The following MED13L variants were observed in gnomAD, a reference collection of about 807,000 sequenced individuals.
MED13L encodes the protein mediator complex subunit 13L.
In MED13L, 7 loss-of-function variants were observed where a neutral mutation model predicts 220.9. That is an observed-to-expected ratio of 0.03 (90% CI 0.02 to 0.06). MED13L has a LOEUF of 0.06. Ranked by LOEUF, MED13L falls within the 10% of genes least tolerant of loss-of-function variation. The pLI is 1.00. For missense variants in MED13L, 1,965 were observed against 2,760.5 expected (o/e 0.71, Z 6.46); for synonymous variants, 1,011 against 1,015.2 (o/e 1.00, Z 0.08).
Position 116,022,612 on chromosome 12 carries a change from G to A in MED13L, c.480-11C>T. 1 of 1,609,740 alleles carries A rather than the reference G, an allele frequency of 6.2e-7. No individual in the cohort carries two copies. The highest frequency in any genetic ancestry group is 8.5e-7 in the Non-Finnish European group (1 of 1,177,686). ...CAGGACAAATGCTCACTACAAAAGAGAGAATGAGAAACTCAACTTTATATT... is the reference window on the plus strand; with the variant it reads ...CAGGACAAATGCTCACTACAAAAGAAAGAATGAGAAACTCAACTTTATATT... On this transcript the variant is annotated splice_polypyrimidine_tract_variant and intron_variant, in intron 4 of 30. Transcript: ENST00000281928.
At chr12:116,175,425 T>G (rs1879978987) in intron 2 of MED13L, among the ~76,000 whole-genome samples, 1 of 152,130 alleles carries the variant, frequency 6.6e-6, no homozygotes. Context: ...AAGAATATTG[T>G]AGGTAGAGGT....
intron 2 of MED13L, among the ~76,000 whole-genome samples, chr12:116,135,541 G>T (rs1162058765): frequency 1.3e-5 from 2 of 152,146 alleles, no homozygotes; most frequent in Non-Finnish European, 2.9e-5. Flanking sequence ...TTGACCTAAA[G>T]AACCTGTGAA....
At chr12:116,136,440 GTA>G (rs1249021606) in intron 2 of MED13L, among the ~76,000 whole-genome samples, 1 of 152,184 alleles carries the variant, frequency 6.6e-6, no homozygotes, top group Non-Finnish European at 1.5e-5. Flanking sequence ...AAATAAGTGT[GTA>G]TGTGTGTGTG....
At chr12:115,972,039 G>A in intron 26 of MED13L, 39 bp downstream of exon 26, 1 of 1,605,962 alleles carries the variant, frequency 6.2e-7, no homozygotes, top group Non-Finnish European at 8.5e-7. Context: ...CTGAATTGAT[G>A]TGATATGTAA....
chr12:116,019,130 C>A, intron 7 of MED13L, 94 bp downstream of exon 7: 1 of 1,276,786 alleles, frequency 7.8e-7, no homozygotes, highest in South Asian at 1.5e-5. Flanking sequence ...TCTCTTCCAA[C>A]AGGAATTTCT....
rs554818460 is a variant in MED13L at position 116,014,044 on chromosome 12, G to C, written c.1175+1065C>G. Among the ~76,000 whole-genome samples, 4 of 152,308 alleles carry C rather than the reference G, an allele frequency of 2.6e-5. No homozygotes were observed. The South Asian group carries it at 8.3e-4, about 32-fold the overall frequency. On this transcript the variant is annotated intron_variant, in intron 8 of 30. Transcript: ENST00000281928. ...CTGTACCAATTATTCTAAAGGAAAG[G>C]ACCATTTTAAAGTGACTAGAGATAA... is the stretch of plus-strand genomic sequence containing the variant.
intron 1 of MED13L, among the ~76,000 whole-genome samples, chr12:116,274,258 T>C (rs1006337646): frequency 2.0e-5 from 3 of 152,130 alleles, no homozygotes; most frequent in African/African-American, 7.2e-5. Flanking sequence ...AAGTGTCTGA[T>C]TGATTGCACA....
At chr12:116,150,420 A>G (rs1037374047) in intron 2 of MED13L, among the ~76,000 whole-genome samples, 2 of 152,242 alleles carry the variant, frequency 1.3e-5, no homozygotes, top group African/African-American at 4.8e-5. Flanking sequence ...TGTTACATCT[A>G]GATCTTGTCA....
chr12:116,112,210 T>C (rs914227402), intron 2 of MED13L, among the ~76,000 whole-genome samples: 4 of 152,206 alleles, frequency 2.6e-5, no homozygotes, highest in Non-Finnish European at 4.4e-5. Flanking sequence ...TTTATTTTCA[T>C]AAATATATAA....
At chr12:116,174,404 C>T (rs1879895631) in intron 2 of MED13L, 1 of 151,040 alleles carries the variant, frequency 6.6e-6, no homozygotes, top group Non-Finnish European at 1.5e-5. Flanking sequence ...TTTAAATGAT[C>T]AAAACTATCC....
chr12:116,172,945 A>AC (rs1389367846), intron 2 of MED13L, among the ~76,000 whole-genome samples: 100 of 151,522 alleles, frequency 6.6e-4, no homozygotes, highest in Non-Finnish European at 1.2e-3. Flanking sequence ...AAAAAAAAAA[A>AC]CAAGTACTAT....
chr12:116,095,242 T>G (rs1030155644), intron 4 of MED13L, among the ~76,000 whole-genome samples: 3 of 152,086 alleles, frequency 2.0e-5, no homozygotes, highest in African/African-American at 7.2e-5. Context: ...ACATATATAT[T>G]TATAAGGGGA....
intron 2 of MED13L, among the ~76,000 whole-genome samples, chr12:116,189,538 C>T (rs911832315): frequency 6.6e-6 from 1 of 151,992 alleles, no homozygotes; most frequent in South Asian, 2.1e-4. Context: ...ATGGATTGTA[C>T]TTTTGGTATC....
intron 3 of MED13L, among the ~76,000 whole-genome samples, chr12:116,104,590 G>A (rs1008612575): frequency 7.2e-5 from 11 of 152,268 alleles, no homozygotes; most frequent in African/African-American, 2.6e-4. Flanking sequence ...AGCACCAGCT[G>A]ACTGCTCTGA....
At chr12:116,184,832 A>C (rs887043648) in intron 2 of MED13L, among the ~76,000 whole-genome samples, 1 of 152,210 alleles carries the variant, frequency 6.6e-6, no homozygotes, top group Non-Finnish European at 1.5e-5. Flanking sequence ...TAAAGTTTCA[A>C]TATAGGTTAT....
chr12:116,103,518 C>G (rs866155340), intron 3 of MED13L, among the ~76,000 whole-genome samples: 2 of 151,158 alleles, frequency 1.3e-5, no homozygotes, highest in South Asian at 4.2e-4. Context: ...AACTCCTGGC[C>G]TCAAGCAATC....
chr12:116,010,087 G>A (rs953861461), intron 9 of MED13L, among the ~76,000 whole-genome samples: 5 of 152,172 alleles, frequency 3.3e-5, no homozygotes, highest in Admixed American at 3.3e-4. Context: ...GGGGCATAAT[G>A]GGATGGTTTA....
chr12:116,121,856 G>C (rs1180521318), intron 2 of MED13L, among the ~76,000 whole-genome samples: 3 of 152,072 alleles, frequency 2.0e-5, no homozygotes. Context: ...ATTGGAGGTG[G>C]GGGAAGGGCA....
chr12:115,975,340 G>GA, intron 24 of MED13L, 27 bp from the exon 25 acceptor site: 3 of 1,613,976 alleles, frequency 1.9e-6, no homozygotes, highest in Non-Finnish European at 2.5e-6. Flanking sequence ...TGGGGAAGGG[G>GA]AAGGGGTCCC....
Sources: gnomAD v4.1 joint callset for allele counts (sites outside exome capture counted in the v4.1 genomes callset) on GRCh38, gnomAD v4.1.1 for gene constraint, MANE v1.5 for transcripts, NCBI Gene and HGNC (gene_info 2026-07-23, HGNC 2026-07-21) for gene names.